Variants in PPM1H observed in about 807,000 individuals in gnomAD.
PPM1H encodes protein phosphatase 1H.
A neutral mutation model predicts 54.9 loss-of-function variants in PPM1H; 27 were observed. The ratio of observed to expected loss-of-function variants is 0.49; its 90% CI spans 0.36 to 0.68. The LOEUF (loss-of-function observed/expected upper bound fraction) is 0.68, where lower values mean the gene tolerates loss of function less well. PPM1H is among the 30% of genes least tolerant of loss of function. The probability of loss-of-function intolerance (pLI) is 0.00; values close to 1 mark genes in which losing one functional copy is unlikely to be tolerated. For missense variants in PPM1H, 596 were observed against 667.8 expected (o/e 0.89, Z 1.19); for synonymous variants, 305 against 270.8 (o/e 1.13, Z -1.24).
chr12:62,914,224 G>A (rs994438620), intron 1 of PPM1H, among the ~76,000 whole-genome samples: 1 of 152,148 alleles, frequency 6.6e-6, no homozygotes, highest in Admixed American at 6.5e-5. Context: ...AAGGAGCTTG[G>A]CACCTCCTTT....
At chr12:62,895,740 C>G (rs1487179295) in intron 1 of PPM1H, among the ~76,000 whole-genome samples, 1 of 152,146 alleles carries the variant, frequency 6.6e-6, no homozygotes, top group Non-Finnish European at 1.5e-5. Flanking sequence ...CTCACTTACT[C>G]TCTTCCTCTC....
At chr12:62,667,715 A>AT (rs1201545720) in intron 8 of PPM1H, among the ~76,000 whole-genome samples, 1 of 152,238 alleles carries the variant, frequency 6.6e-6, no homozygotes, top group Non-Finnish European at 1.5e-5. Context: ...GCAAACATTT[A>AT]TTAAGGGCCT....
At chr12:62,777,871 T>C (rs1387656571) in intron 4 of PPM1H, among the ~76,000 whole-genome samples, 2 of 152,252 alleles carry the variant, frequency 1.3e-5, no homozygotes, top group African/African-American at 4.8e-5. Flanking sequence ...TTGCTTTCTA[T>C]GATGAACTTT....
At chr12:62,906,134 G>T (rs1871295640) in intron 1 of PPM1H, among the ~76,000 whole-genome samples, 1 of 152,170 alleles carries the variant, frequency 6.6e-6, no homozygotes, top group Non-Finnish European at 1.5e-5. Flanking sequence ...TTATCAGCTG[G>T]TCAGACTATC....
At chr12:62,892,905 A>G (rs923295977) in intron 1 of PPM1H, among the ~76,000 whole-genome samples, 2 of 152,248 alleles carry the variant, frequency 1.3e-5, no homozygotes, top group African/African-American at 4.8e-5. Context: ...ATCTCTGTAT[A>G]GACATGCCAT....
intron 6 of PPM1H, among the ~76,000 whole-genome samples, chr12:62,714,395 T>C (rs992023970): frequency 2.0e-5 from 3 of 152,202 alleles, no homozygotes; most frequent in African/African-American, 7.2e-5. Flanking sequence ...TATTTGCTCA[T>C]AGTTTTAAGG....
chr12:62,661,858 C>A (rs1332125869), intron 9 of PPM1H, among the ~76,000 whole-genome samples: 1 of 152,200 alleles, frequency 6.6e-6, no homozygotes, highest in East Asian at 1.9e-4. Context: ...GTCTTTACAA[C>A]CATAATTGTC....
rs142664905 is a variant in PPM1H, at chr12:62,811,738, G to A, written c.412-9578C>T. On this transcript the variant is annotated intron_variant, in intron 2 of 9. Coordinates refer to ENST00000228705, the MANE Select transcript of PPM1H (RefSeq NM_020700.2). ...CCTTTGCTCTGCATTTCTCCTTTCC[G>A]CCACCATGTGAAGAAGGATGTGTTT... 2.2e-3 allele frequency among the ~76,000 whole-genome samples: 336 copies of A among 152,074 alleles called. 3 individuals are homozygous for A. Among genetic ancestry groups the A allele is most frequent in the African/African-American group, 7.7e-3 (318 of 41,466 alleles).
rs1173229360 is a variant in PPM1H, at chr12:62,658,182, ATTTTTT to A, written c.1397+8990_1397+8995del. On this transcript the variant is annotated intron_variant, in intron 9 of 9. Transcript: ENST00000228705. Reference sequence around the variant, plus strand: ...GAGACCAGCCTGGGTAACACGGTGAATTTTTTTTTTTTTTTTTTTTTTTTTTTTTTA... The same window carrying A: ...GAGACCAGCCTGGGTAACACGGTGAATTTTTTTTTTTTTTTTTTTTTTTTA... Among the ~76,000 whole-genome samples, 472 of 87,526 alleles carry A rather than the reference ATTTTTT, an allele frequency of 5.4e-3. 2 individuals carry two copies. The highest frequency in any genetic ancestry group is 0.016 in the African/African-American group (361 of 22,348). 57.4% of individuals were successfully genotyped at this position (87,526 alleles called of 152,430 possible). A position where few individuals can be genotyped will look rare whatever the true frequency, so the allele number is the denominator to read the frequency against.
chr12:62,870,148 A>G (rs745992977), intron 1 of PPM1H, among the ~76,000 whole-genome samples: 74 of 152,206 alleles, frequency 4.9e-4, no homozygotes, highest in Non-Finnish European at 9.4e-4. Context: ...ACTCTATGAC[A>G]AAAATATGGG....
At chr12:62,676,708 G>T (rs754894567) in intron 8 of PPM1H, among the ~76,000 whole-genome samples, 7 of 152,150 alleles carry the variant, frequency 4.6e-5, no homozygotes, top group Non-Finnish European at 8.8e-5. Flanking sequence ...CTGGACTTTG[G>T]TCGCCACCGA....
intron 1 of PPM1H, among the ~76,000 whole-genome samples, chr12:62,857,534 A>C (rs1869435198): frequency 6.6e-6 from 1 of 152,322 alleles, no homozygotes; most frequent in South Asian, 2.1e-4. Flanking sequence ...CTGCTTATAA[A>C]ACAGCCTCAC....
intron 9 of PPM1H, among the ~76,000 whole-genome samples, chr12:62,658,212 T>TTTCC (rs768288538): frequency 6.9e-5 from 9 of 130,538 alleles, no homozygotes; most frequent in Non-Finnish European, 1.3e-4. Context: ...TTTTTTTTTT[T>TTTCC]AAGTAAAAAA....
chr12:62,911,022 G>A (rs961644038), intron 1 of PPM1H, among the ~76,000 whole-genome samples: 1 of 152,168 alleles, frequency 6.6e-6, no homozygotes, highest in African/African-American at 2.4e-5. Context: ...GAGAATGTGG[G>A]ACAGAAAATC....
intron 6 of PPM1H, 71 bp downstream of exon 6, chr12:62,720,100 G>GC (rs1474475369): frequency 5.4e-6 from 7 of 1,304,072 alleles, no homozygotes; most frequent in Admixed American, 3.4e-5. Flanking sequence ...TGTGTAACTG[G>GC]CTGTTTATGG....
At chr12:62,812,300 A>G (rs2076840476) in intron 2 of PPM1H, among the ~76,000 whole-genome samples, 1 of 151,882 alleles carries the variant, frequency 6.6e-6, no homozygotes, top group Non-Finnish European at 1.5e-5. Context: ...ACCCTTCATA[A>G]TTAGAGTAAC....
chr12:62,758,129 T>C (rs2076486531), intron 4 of PPM1H, among the ~76,000 whole-genome samples: 1 of 152,348 alleles, frequency 6.6e-6, no homozygotes, highest in East Asian at 1.9e-4. Context: ...TTTCCTTCAA[T>C]AATAGATTTA....
At chr12:62,736,569 C>T (rs2076350681) in intron 5 of PPM1H, among the ~76,000 whole-genome samples, 1 of 152,194 alleles carries the variant, frequency 6.6e-6, no homozygotes, top group South Asian at 2.1e-4. Flanking sequence ...AAAACACAGA[C>T]ATGGAAATGG....
At chr12:62,850,848 C>T (rs1336657422) in intron 1 of PPM1H, 1 of 151,864 alleles carries the variant, frequency 6.6e-6, no homozygotes, top group Non-Finnish European at 1.5e-5. Context: ...GGATAAACCT[C>T]GCCCTGGGAA....
Sources: allele counts gnomAD v4.1 joint callset (sites outside exome capture counted in the v4.1 genomes callset), GRCh38; gene constraint gnomAD v4.1.1; transcripts MANE v1.5; gene names NCBI Gene and HGNC (gene_info 2026-07-23, HGNC 2026-07-21).